The following GINS4 variants were observed in gnomAD, a reference collection of about 807,000 sequenced individuals.
GINS4 encodes GINS complex subunit 4.
In GINS4, 20 loss-of-function variants were observed where a neutral mutation model predicts 31.1. The observed-to-expected ratio is 0.64, with a 90% CI of 0.45 to 0.93. The LOEUF (loss-of-function observed/expected upper bound fraction) is 0.93, where lower values mean the gene tolerates loss of function less well. Among genes scored for constraint, GINS4 ranks in the 40% least tolerant of loss-of-function variants. The pLI is 0.00. For missense variants in GINS4, 245 were observed against 273.9 expected, an observed-to-expected ratio of 0.89 and a Z score of 0.75; for synonymous variants, 85 against 97.9, an observed-to-expected ratio of 0.87 and a Z score of 0.78.
At chr8:41,534,973 T>C (rs1585620304) in intron 2 of GINS4, among the ~76,000 whole-genome samples, 1 of 152,042 alleles carries the variant, frequency 6.6e-6, no homozygotes, top group East Asian at 1.9e-4. Context: ...TCCGCCTGCC[T>C]CGGCCTCCCA....
intron 2 of GINS4, among the ~76,000 whole-genome samples, chr8:41,532,003 C>T (rs758916670): frequency 1.8e-4 from 27 of 152,260 alleles, no homozygotes; most frequent in Middle Eastern, 3.4e-3. Flanking sequence ...TATTGGGTTT[C>T]GCTGTGTTGG....
chr8:41,540,722 T>C (rs1452369058), intron 6 of GINS4, among the ~76,000 whole-genome samples: 1 of 152,174 alleles, frequency 6.6e-6, no homozygotes, highest in Non-Finnish European at 1.5e-5. Flanking sequence ...TCAGGCAAAA[T>C]TGCCATACCA....
intron 2 of GINS4, chr8:41,534,522 A>G (rs559997692): frequency 5.5e-6 from 1 of 180,650 alleles, no homozygotes; most frequent in South Asian, 1.1e-4. Flanking sequence ...CTAATGTTTT[A>G]TACTTTATTG....
At chr8:41,540,054 C>A in intron 6 of GINS4, 50 bp downstream of exon 6, 1 of 1,246,806 alleles carries the variant, frequency 8.0e-7, no homozygotes, top group Non-Finnish European at 1.2e-6. Context: ...TCAGGTGTCC[C>A]AGGGTAGGAT....
chr8:41,539,337 A>C (rs1012517201), intron 4 of GINS4, among the ~76,000 whole-genome samples: 5 of 150,534 alleles, frequency 3.3e-5, no homozygotes, highest in East Asian at 1.9e-4. Context: ...AAAAAAAAAA[A>C]AAAAAACCTT....
chr8:41,529,884 A>C, intron 1 of GINS4: 1 of 223,348 alleles, frequency 4.5e-6, no homozygotes, highest in Non-Finnish European at 8.9e-6. Flanking sequence ...TCCCTGAGGA[A>C]CAAGACCTCT....
In GINS4 at chr8:41,543,871, A is replaced by G. The variant is rs1480027729; in HGVS notation, c.*1784A>G. ...TAGGTGCACACCACCACACCCAACT[A>G]ATTTTTTGTATTTTTAGTAGAGATG... On this transcript the variant is annotated 3_prime_UTR_variant, in exon 8 of 8. Coordinates refer to ENST00000276533, the MANE Select transcript of GINS4 (RefSeq NM_032336.3). 1 of 151,710 alleles carries G rather than the reference A, an allele frequency of 6.6e-6. No homozygotes were observed. Among genetic ancestry groups the G allele is most frequent in the African/African-American group, 2.4e-5 (1 of 41,232 alleles). The allele number at this position is 151,710 out of a possible 1,614,324, so 9.4% of individuals were successfully genotyped here.
At chr8:41,533,432 G>A (rs982940955) in intron 2 of GINS4, among the ~76,000 whole-genome samples, 3 of 152,206 alleles carry the variant, frequency 2.0e-5, no homozygotes, top group African/African-American at 7.2e-5. Context: ...GGCGGCGGGG[G>A]TTCTGACAGC....
chr8:41,538,831 A>G (rs1187797430), intron 4 of GINS4, among the ~76,000 whole-genome samples: 2 of 151,800 alleles, frequency 1.3e-5, no homozygotes, highest in African/African-American at 2.4e-5. Context: ...CAGCCTTCCA[A>G]GTAGCTGGGA....
intron 4 of GINS4, 79 bp from the exon 5 acceptor site, chr8:41,539,599 A>T (rs1472516377): frequency 9.7e-7 from 1 of 1,027,228 alleles, no homozygotes; most frequent in African/African-American, 1.6e-5. Flanking sequence ...AGGGTTGTGT[A>T]AACCCTCTTT....
rs1200856950 is a variant in GINS4 at position 41,542,745 on chromosome 8, A to G, written c.*658A>G. ...TCACGTTGTGCCTGAGGACAATAAT[A>G]AAGTAGTTTACTAGGCATCAGACAT... On this transcript the variant is annotated 3_prime_UTR_variant, in exon 8 of 8. Coordinates refer to ENST00000276533, the MANE Select transcript of GINS4 (RefSeq NM_032336.3). 6.5e-6 allele frequency: 1 copy of G among 153,162 alleles called. No individual in the cohort carries two copies. Among genetic ancestry groups the G allele is most frequent in the East Asian group, 1.9e-4 (1 of 5,216 alleles). 9.5% of individuals were successfully genotyped at this position (153,162 alleles called of 1,614,324 possible).
intron 2 of GINS4, among the ~76,000 whole-genome samples, chr8:41,531,170 G>A (rs904647345): frequency 1.3e-5 from 2 of 152,208 alleles, no homozygotes; most frequent in Admixed American, 6.5e-5. Flanking sequence ...TACTCGGGAG[G>A]CTAAGGCCGG....
At chr8:41,534,132 G>A (rs1806699407) in intron 2 of GINS4, 1 of 198,830 alleles carries the variant, frequency 5.0e-6, no homozygotes. Context: ...GCCAGGCACA[G>A]TGGTTCAAGC....
Position 41,537,300 on chromosome 8 carries a change from C to T in GINS4, c.297+7C>T, listed in dbSNP as rs182546336. On this transcript the variant is annotated splice_region_variant and intron_variant, in intron 4 of 7. Transcript: ENST00000276533. Reference sequence around the variant, plus strand: ...GCGGTGTCGCCTCATGAAGGTTTGACGTGGAGATACCTGGAGGGATTGAGA... The same window carrying T: ...GCGGTGTCGCCTCATGAAGGTTTGATGTGGAGATACCTGGAGGGATTGAGA... The T allele has an allele frequency of 2.9e-3, 4,537 of 1,576,612 alleles. 8 individuals carry two copies. Among genetic ancestry groups the T allele is most frequent in the Middle Eastern group, 4.2e-3 (23 of 5,502 alleles).
intron 4 of GINS4, 36 bp from the exon 5 acceptor site, chr8:41,539,642 C>A: frequency 7.0e-7 from 1 of 1,435,042 alleles, no homozygotes; most frequent in Non-Finnish European, 9.8e-7. Context: ...TGACTTTTGC[C>A]AATGTTTTCA....
In GINS4 at chr8:41,536,357, T is replaced by C. The variant is rs1563254313; in HGVS notation, c.97-3T>C. ...CTTGCTTTTTCTGGCATTTGTCTTT[T>C]AGGCCTGGATGAATGAAAAGTTTGC... On this transcript the variant is annotated splice_region_variant and splice_polypyrimidine_tract_variant and intron_variant, in intron 2 of 7. Transcript: ENST00000276533. 6.3e-7 allele frequency: 1 copy of C among 1,595,274 alleles called. No individual in the cohort carries two copies. Among genetic ancestry groups the C allele is most frequent in the Non-Finnish European group, 8.6e-7 (1 of 1,162,842 alleles).
chr8:41,529,277 G>A lies in GINS4; in HGVS notation c.-139G>A, dbSNP rs2150456058. 6.6e-6 allele frequency: 1 copy of A among 152,540 alleles called. No individual in the cohort carries two copies. Among genetic ancestry groups the A allele is most frequent in the South Asian group, 2.1e-4 (1 of 4,834 alleles). 9.4% of individuals were successfully genotyped at this position (152,540 alleles called of 1,614,324 possible). ...TGCAGGGTTGAGTTGGTCCCGGCAA[G>A]TCCTTGAGCAGTTTGTTCCTCTGTC... On this transcript the variant is annotated 5_prime_UTR_variant, in exon 1 of 8. Coordinates refer to ENST00000276533, the MANE Select transcript of GINS4 (RefSeq NM_032336.3).
chr8:41,535,815 A>T (rs913026110), intron 2 of GINS4, among the ~76,000 whole-genome samples: 15 of 152,228 alleles, frequency 9.9e-5, no homozygotes, highest in Admixed American at 8.5e-4. Context: ...TGTTTCTATT[A>T]TGATCCTGTA....
At chr8:41,534,734 G>A (rs537445235) in intron 2 of GINS4, among the ~76,000 whole-genome samples, 143 of 151,730 alleles carry the variant, frequency 9.4e-4, no homozygotes, top group African/African-American at 3.3e-3. Context: ...GGGACACACA[G>A]GGTCTTTTTT....
Sources: gnomAD v4.1 joint callset for allele counts (sites outside exome capture counted in the v4.1 genomes callset) on GRCh38, gnomAD v4.1.1 for gene constraint, MANE v1.5 for transcripts, NCBI Gene and HGNC (gene_info 2026-07-23, HGNC 2026-07-21) for gene names.